Variants in REEP1 observed in about 807,000 individuals in gnomAD.
REEP1 encodes the protein receptor expression-enhancing protein 1.
A neutral mutation model predicts 40.3 loss-of-function variants in REEP1; 22 were observed. The ratio of observed to expected loss-of-function variants is 0.55; its 90% CI spans 0.39 to 0.78. The LOEUF is 0.78. REEP1 is among the 30% of genes least tolerant of loss of function. The pLI is 0.00. For missense variants in REEP1, 280 were observed against 361.1 expected (o/e 0.78, Z 1.82); for synonymous variants, 116 against 139.2 (o/e 0.83, Z 1.17).
At chr2:86,294,307 A>G (rs1373535114) in intron 1 of REEP1, among the ~76,000 whole-genome samples, 1 of 152,270 alleles carries the variant, frequency 6.6e-6, no homozygotes, top group African/African-American at 2.4e-5. Flanking sequence ...TGCTTTTATC[A>G]CAATTAAAAT....
At chr2:86,253,186 C>A (rs1289783219) in intron 4 of REEP1, among the ~76,000 whole-genome samples, 3 of 152,116 alleles carry the variant, frequency 2.0e-5, no homozygotes, top group African/African-American at 7.2e-5. Context: ...GAGGCTGAGG[C>A]AGGAGAATTG....
intron 2 of REEP1, 98 bp from the exon 3 acceptor site, chr2:86,264,139 C>T (rs1337977668): frequency 1.4e-5 from 12 of 862,140 alleles, no homozygotes; most frequent in South Asian, 4.0e-5. Flanking sequence ...TACGGAGGCA[C>T]GTCCAGGTGG....
chr2:86,312,929 T>C (rs1303375023), intron 1 of REEP1, among the ~76,000 whole-genome samples: 2 of 152,186 alleles, frequency 1.3e-5, no homozygotes, highest in Admixed American at 1.3e-4. Context: ...TGCCAATGAC[T>C]ACTCAGAGTG....
At chr2:86,237,416 A>G (rs1159973074) in intron 5 of REEP1, among the ~76,000 whole-genome samples, 2 of 152,210 alleles carry the variant, frequency 1.3e-5, no homozygotes, top group African/African-American at 2.4e-5. Flanking sequence ...CTGAAAAGTG[A>G]TTCGGGAGAC....
intron 2 of REEP1, among the ~76,000 whole-genome samples, chr2:86,281,430 C>T (rs1314749927): frequency 6.6e-6 from 1 of 152,184 alleles, no homozygotes; most frequent in Non-Finnish European, 1.5e-5. Flanking sequence ...GAGTTCGAGA[C>T]CAGCCTGGCC....
At chr2:86,281,398 G>A (rs547059094) in intron 2 of REEP1, among the ~76,000 whole-genome samples, 3 of 152,318 alleles carry the variant, frequency 2.0e-5, no homozygotes, top group Non-Finnish European at 2.9e-5. Flanking sequence ...GGGAGGCCGA[G>A]GCAGGCAGAT....
chr2:86,239,292 G>A (rs144619499), intron 5 of REEP1, among the ~76,000 whole-genome samples: 2 of 147,908 alleles, frequency 1.4e-5, no homozygotes, highest in East Asian at 2.1e-4. Flanking sequence ...GGAGCACATG[G>A]TATCTCCAGA....
chr2:86,281,976 C>CA (rs1255707542), intron 2 of REEP1, among the ~76,000 whole-genome samples, 194 bp downstream of exon 2: 1 of 152,192 alleles, frequency 6.6e-6, no homozygotes, highest in African/African-American at 2.4e-5. Context: ...TTTCTCACCT[C>CA]AACGCTCTAG....
chr2:86,235,184 C>T (rs1675248364), intron 5 of REEP1, among the ~76,000 whole-genome samples: 1 of 152,148 alleles, frequency 6.6e-6, no homozygotes, highest in South Asian at 2.1e-4. Flanking sequence ...TCTGAGAAAG[C>T]GGAGAACGAC....
intron 1 of REEP1, among the ~76,000 whole-genome samples, chr2:86,329,961 G>C (rs941490186): frequency 6.6e-6 from 1 of 152,226 alleles, no homozygotes; most frequent in Non-Finnish European, 1.5e-5. Context: ...GGACCTAGGA[G>C]AGGCTTCATG....
chr2:86,337,878 C>T, upstream of REEP1: 1 of 898,110 alleles, frequency 1.1e-6, no homozygotes, highest in Non-Finnish European at 1.7e-6. The surrounding 1 kb of genome is among the most constrained non-coding windows in gnomAD (Gnocchi z 5.8). Context: ...GTTTGCAGGG[C>T]AGGGACCCGG....
intron 1 of REEP1, among the ~76,000 whole-genome samples, chr2:86,320,216 G>A (rs542096718): frequency 6.6e-6 from 1 of 152,184 alleles, no homozygotes; most frequent in Non-Finnish European, 1.5e-5. Context: ...AGAGGAAACC[G>A]TATTTCCCCT....
chr2:86,309,328 A>C (rs936654810), intron 1 of REEP1, among the ~76,000 whole-genome samples: 9 of 152,194 alleles, frequency 5.9e-5, no homozygotes, highest in Admixed American at 2.0e-4. Flanking sequence ...ACCCAAACCT[A>C]ACTTCCCCCT....
chr2:86,225,271 C>T (rs746359479), intron 7 of REEP1, among the ~76,000 whole-genome samples: 3 of 152,146 alleles, frequency 2.0e-5, no homozygotes, highest in Admixed American at 1.3e-4. Context: ...TCCAGAATCC[C>T]CAGCTTTTTT....
intron 2 of REEP1, among the ~76,000 whole-genome samples, chr2:86,264,860 C>T (rs1225614467): frequency 6.6e-6 from 1 of 152,168 alleles, no homozygotes; most frequent in African/African-American, 2.4e-5. Context: ...AGCACGGGAA[C>T]CACACTGGGT....
intron 6 of REEP1, among the ~76,000 whole-genome samples, chr2:86,227,693 G>A (rs1021635909): frequency 1.3e-5 from 2 of 152,186 alleles, no homozygotes; most frequent in East Asian, 3.9e-4. Flanking sequence ...ATAACTCCAA[G>A]CACCCCTGCC....
At position 86,324,924 on chromosome 2, in the gene REEP1, A is replaced by T. The variant is rs181047134; in HGVS notation, c.32+12555T>A. ...GATAAGTACATTATGGTATATTCAT[A>T]CAATAAAGGTAGTGTTCTAGTTCTT... On this transcript the variant is annotated intron_variant, in intron 1 of 8. Transcript: ENST00000538924. 5.3e-4 allele frequency among the ~76,000 whole-genome samples: 81 copies of T among 152,392 alleles called. 1 individual carries two copies. The highest frequency in any genetic ancestry group is 1.2e-3 in the Admixed American group (19 of 15,310).
At chr2:86,230,309 A>G (rs1288513047) in intron 6 of REEP1, among the ~76,000 whole-genome samples, 1 of 152,234 alleles carries the variant, frequency 6.6e-6, no homozygotes, top group African/African-American at 2.4e-5. Flanking sequence ...CCCAGTTCTG[A>G]GGCTGCCCTG....
In REEP1 at chr2:86,214,031, T is replaced by C. The variant is rs888451513; in HGVS notation, c.*3008A>G. On this transcript the variant is annotated 3_prime_UTR_variant, in exon 9 of 9. Coordinates refer to ENST00000538924, the MANE Select transcript of REEP1 (RefSeq NM_001371279.1). ...AAATGTTAAGACTTTATTCAAGATG[T>C]GTATCAGGCATTATAACAAAACAGC... 1 of 219,554 alleles carries C rather than the reference T, an allele frequency of 4.6e-6. No homozygotes were observed. The highest frequency in any genetic ancestry group is 2.3e-5 in the African/African-American group (1 of 43,054). The allele number at this position is 219,554 out of a possible 1,614,324, so 13.6% of individuals were successfully genotyped here.
Sources: gnomAD v4.1 joint callset for allele counts (sites outside exome capture counted in the v4.1 genomes callset) on GRCh38, gnomAD v4.1.1 for gene constraint, Gnocchi (gnomAD v3.1) non-coding constraint, MANE v1.5 for transcripts, NCBI Gene and HGNC (gene_info 2026-07-23, HGNC 2026-07-21) for gene names.